The following ASAP1 variants were observed in gnomAD, a reference collection of about 807,000 sequenced individuals.
The protein encoded by ASAP1 is ArfGAP with SH3 domain, ankyrin repeat and PH domain 1.
In ASAP1, 43 loss-of-function variants were observed where a neutral mutation model predicts 145.2. The ratio of observed to expected loss-of-function variants is 0.30; its 90% confidence interval spans 0.23 to 0.38. The LOEUF (loss-of-function observed/expected upper bound fraction) is 0.38. Among genes scored for constraint, ASAP1 ranks in the 10% least tolerant of loss-of-function variants. The pLI is 1.00. For missense variants in ASAP1, 1,018 were observed against 1,355.3 expected (o/e 0.75, Z 3.91); for synonymous variants, 546 against 515.5 (o/e 1.06, Z -0.80).
At chr8:130,394,371 A>T (rs554694619) in intron 2 of ASAP1, among the ~76,000 whole-genome samples, 9 of 152,080 alleles carry the variant, frequency 5.9e-5, no homozygotes, top group South Asian at 4.2e-4. Flanking sequence ...TAAGCCCCAG[A>T]CTCCCATAGC....
At chr8:130,153,359 G>GTGTATA (rs1565024778) in intron 12 of ASAP1, among the ~76,000 whole-genome samples, 1 of 28,912 alleles carries the variant, frequency 3.5e-5, no homozygotes, top group African/African-American at 1.0e-4. Flanking sequence ...ATATATATAT[G>GTGTATA]TATATATATA....
Position 130,125,941 on chromosome 8 carries a change from C to G in ASAP1, c.1515+15G>C. 1.0e-5 allele frequency: 16 copies of G among 1,595,536 alleles called. No homozygotes were observed. The highest frequency in any genetic ancestry group is 1.4e-5 in the Non-Finnish European group (16 of 1,174,706). ...ACAATAATATCATTCTTCCCAAGTA[C>G]AGGTCACTACTTACCAAGAGTTCAG... On this transcript the variant is annotated intron_variant, in intron 17 of 29. Transcript: ENST00000518721.
chr8:130,167,867 T>A (rs2097683134), intron 10 of ASAP1, among the ~76,000 whole-genome samples: 1 of 152,240 alleles, frequency 6.6e-6, no homozygotes, highest in South Asian at 2.1e-4. Context: ...GATAGTTAAC[T>A]CTGAAGTACT....
chr8:130,155,652 C>T (rs531722855), intron 12 of ASAP1, among the ~76,000 whole-genome samples: 2 of 152,312 alleles, frequency 1.3e-5, no homozygotes, highest in South Asian at 4.1e-4. Flanking sequence ...CAGCCAGCAC[C>T]TGATCTTTGT....
rs1824622506 is a variant in ASAP1, at chr8:130,330,561, A to AT, written c.186+27455dup. 1.3e-5 allele frequency among the ~76,000 whole-genome samples: 2 copies of AT among 152,246 alleles called. 1 individual carries two copies. Among genetic ancestry groups the AT allele is most frequent in the African/African-American group, 4.8e-5 (2 of 41,472 alleles). ...CAGTCATCTACCAAAAACCAGGCACATAGTAGGTGCTCAAATGGCAGAATC... is the reference window on the plus strand; with the variant it reads ...CAGTCATCTACCAAAAACCAGGCACATTAGTAGGTGCTCAAATGGCAGAATC... On this transcript the variant is annotated intron_variant, in intron 3 of 29. Coordinates refer to ENST00000518721, the MANE Select transcript of ASAP1 (RefSeq NM_018482.4).
intron 1 of ASAP1, among the ~76,000 whole-genome samples, chr8:130,439,478 C>CAAT (rs1422894259): frequency 1.3e-5 from 2 of 151,868 alleles, no homozygotes; most frequent in African/African-American, 2.4e-5. Flanking sequence ...TCACCCCCAT[C>CAAT]AATAATAATA....
chr8:130,098,597 CT>C (rs1324917425), intron 24 of ASAP1, among the ~76,000 whole-genome samples: 3 of 152,204 alleles, frequency 2.0e-5, no homozygotes, highest in Non-Finnish European at 4.4e-5. Flanking sequence ...ATCCGCCCGC[CT>C]CGGCCTCCCA....
chr8:130,126,355 C>T (rs558111190), intron 16 of ASAP1, among the ~76,000 whole-genome samples: 1 of 152,288 alleles, frequency 6.6e-6, no homozygotes, highest in South Asian at 2.1e-4. Context: ...CACCTCTAGG[C>T]CTGTGAGAGA....
intron 3 of ASAP1, among the ~76,000 whole-genome samples, chr8:130,269,341 G>C (rs930914207): frequency 1.3e-5 from 2 of 152,184 alleles, no homozygotes; most frequent in African/African-American, 4.8e-5. Flanking sequence ...CAGTTTCCAA[G>C]TAAAATAGCC....
At chr8:130,245,109 A>G (rs1818769545) in intron 3 of ASAP1, among the ~76,000 whole-genome samples, 1 of 152,102 alleles carries the variant, frequency 6.6e-6, no homozygotes, top group Non-Finnish European at 1.5e-5. Context: ...TGAAAGGAAG[A>G]GGTAAAGATG....
chr8:130,170,484 G>A (rs1249965100), intron 9 of ASAP1, among the ~76,000 whole-genome samples: 1 of 152,068 alleles, frequency 6.6e-6, no homozygotes, highest in Non-Finnish European at 1.5e-5. Context: ...CATATTTTAA[G>A]CTTAATATGT....
chr8:130,074,673 C>T (rs545110023), intron 27 of ASAP1, among the ~76,000 whole-genome samples: 4 of 152,194 alleles, frequency 2.6e-5, no homozygotes, highest in Admixed American at 1.3e-4. Context: ...CTTAGGACCA[C>T]GGCCACCATG....
rs535607736 is a variant in ASAP1 at position 130,141,846 on chromosome 8, T to C, written c.1081-4808A>G. On this transcript the variant is annotated intron_variant, in intron 13 of 29. Coordinates refer to ENST00000518721, the MANE Select transcript of ASAP1 (RefSeq NM_018482.4). ...CATCCTCCTGCCTCAGCCTCCCAAG[T>C]AGCTGGGACTACAGGCATGCCTCAC... 2.6e-5 allele frequency among the ~76,000 whole-genome samples: 4 copies of C among 151,986 alleles called. No homozygotes were observed. The South Asian group carries it at 6.2e-4, about 24-fold the overall frequency.
At chr8:130,124,984 A>AT (rs2097572685) in intron 17 of ASAP1, among the ~76,000 whole-genome samples, 2 of 152,176 alleles carry the variant, frequency 1.3e-5, no homozygotes, top group Admixed American at 1.3e-4. Context: ...AATGTCTTGT[A>AT]TTGTGCATAG....
At chr8:130,380,446 G>A (rs949611033) in intron 2 of ASAP1, among the ~76,000 whole-genome samples, 1 of 152,306 alleles carries the variant, frequency 6.6e-6, no homozygotes, top group African/African-American at 2.4e-5. Context: ...GCAGCCTGAG[G>A]GTTTGCAGGG....
At chr8:130,097,568 C>CCT (rs2097521163) in intron 24 of ASAP1, among the ~76,000 whole-genome samples, 1 of 152,172 alleles carries the variant, frequency 6.6e-6, no homozygotes, top group South Asian at 2.1e-4. Context: ...CTCGGGGATG[C>CCT]CTCTGTCTGA....
chr8:130,349,084 T>C (rs527430691), intron 3 of ASAP1, among the ~76,000 whole-genome samples: 22 of 152,322 alleles, frequency 1.4e-4, no homozygotes, highest in African/African-American at 5.3e-4. Context: ...TGGGTCAAAG[T>C]GGGCAGCACT....
chr8:130,338,387 A>C (rs1485801031), intron 3 of ASAP1, among the ~76,000 whole-genome samples: 3 of 152,214 alleles, frequency 2.0e-5, no homozygotes, highest in African/African-American at 7.2e-5. Context: ...ATTAGCTGCT[A>C]CAATTAAAGT....
chr8:130,341,281 A>G (rs1393978691), intron 3 of ASAP1, among the ~76,000 whole-genome samples: 1 of 152,146 alleles, frequency 6.6e-6, no homozygotes, highest in Non-Finnish European at 1.5e-5. Context: ...TCAAACTCCT[A>G]TCCATGACTC....
Sources: allele counts gnomAD v4.1 joint callset (sites outside exome capture counted in the v4.1 genomes callset), GRCh38; gene constraint gnomAD v4.1.1; transcripts MANE v1.5; gene names NCBI Gene and HGNC (gene_info 2026-07-23, HGNC 2026-07-21).